The following TLE2 variants were observed in gnomAD, a reference collection of about 807,000 sequenced individuals.
The protein encoded by TLE2 is TLE family member 2, transcriptional corepressor, also known as transducin-like enhancer protein 2.
Under a neutral mutation model 97.2 loss-of-function variants are expected in TLE2, and 74 were observed. That is an observed-to-expected ratio of 0.76 (90% CI 0.63 to 0.92). The LOEUF (loss-of-function observed/expected upper bound fraction) is 0.92, where lower values mean the gene tolerates loss of function less well. Among genes scored for constraint, TLE2 ranks in the 40% least tolerant of loss-of-function variants. The pLI, the probability that TLE2 is intolerant of heterozygous loss-of-function variation, is 0.00. For missense variants in TLE2, 1,038 were observed against 1,008.7 expected, an observed-to-expected ratio of 1.03 and a Z score of -0.39; for synonymous variants, 499 against 432.1, an observed-to-expected ratio of 1.15 and a Z score of -1.92.
rs1014866606 is a variant in TLE2, at chr19:3,028,011, G to A, written c.187-138C>T. 2.1e-5 allele frequency: 19 copies of A among 884,946 alleles called. No individual in the cohort carries two copies. The Admixed American group carries it at 4.0e-4, about 19-fold the overall frequency. 54.8% of individuals were successfully genotyped at this position (884,946 alleles called of 1,614,324 possible). A position where few individuals can be genotyped will look rare whatever the true frequency, so the allele number is the denominator to read the frequency against. On this transcript the variant is annotated intron_variant, in intron 3 of 19. Transcript: ENST00000262953. ...AAGCAGAGCCCCCCCCAGCTCCACG[G>A]GGTCCCAGAGGAGGAAGCGGGGGCT...
intron 17 of TLE2, among the ~76,000 whole-genome samples, chr19:3,003,123 A>C (rs1394126720): frequency 1.3e-5 from 2 of 152,210 alleles, no homozygotes; most frequent in Non-Finnish European, 2.9e-5. Flanking sequence ...GGAACACAGC[A>C]GACAACTGCA....
chr19:3,000,782 C>T, intron 18 of TLE2, 59 bp from the exon 19 acceptor site: 1 of 1,366,420 alleles, frequency 7.3e-7, no homozygotes, highest in African/African-American at 1.5e-5. Context: ...ACCCGGGCTG[C>T]AGGGGGAGGT....
At chr19:3,032,047 C>T (rs150562401), upstream of TLE2, among the ~76,000 whole-genome samples, 2,639 of 151,976 alleles carry the variant, frequency 0.017, 30 homozygotes, top group Middle Eastern at 0.045. This position sits in a 1 kb window ranked among gnomAD's most constrained non-coding sequence, Gnocchi z 4.1. Flanking sequence ...TCTCCTGCCT[C>T]GGCCTCTGGA....
At chr19:2,999,900 G>A (rs1318709210) in intron 19 of TLE2, among the ~76,000 whole-genome samples, 1 of 149,730 alleles carries the variant, frequency 6.7e-6, no homozygotes, top group East Asian at 2.0e-4. Flanking sequence ...AGGCGTGGTG[G>A]TACATGCCTG....
At chr19:3,044,954 A>G (rs1408055026) in intron 1 of TLE2, among the ~76,000 whole-genome samples, 2 of 152,046 alleles carry the variant, frequency 1.3e-5, no homozygotes, top group African/African-American at 4.8e-5. Context: ...GCGGTGGCTC[A>G]TGACTGTCAT....
intron 5 of TLE2, among the ~76,000 whole-genome samples, chr19:3,021,122 G>GC (rs200093020): frequency 7.8e-6 from 1 of 127,594 alleles, no homozygotes; most frequent in African/African-American, 3.1e-5. Flanking sequence ...AAAGGGGGGG[G>GC]GGTGCTGAGC....
intron 1 of TLE2, among the ~76,000 whole-genome samples, chr19:3,041,014 T>TATATATATATATATATATATATA (rs55998855): frequency 2.0e-4 from 4 of 20,168 alleles, no homozygotes; most frequent in African/African-American, 4.2e-4. Flanking sequence ...TATATATATA[T>TATATATATATATATATATATATA]TTTTTTTTTT....
At chr19:3,011,553 C>A (rs1490336163) in intron 11 of TLE2, among the ~76,000 whole-genome samples, 1 of 143,582 alleles carries the variant, frequency 7.0e-6, no homozygotes, top group African/African-American at 2.6e-5. Flanking sequence ...AAGACTCTGT[C>A]TCAAAACAAC....
At chr19:3,012,103 A>G (rs2089609785) in intron 11 of TLE2, among the ~76,000 whole-genome samples, 1 of 151,708 alleles carries the variant, frequency 6.6e-6, no homozygotes, top group African/African-American at 2.4e-5. Flanking sequence ...AAAATTAGCC[A>G]GGCGTGGTGG....
intron 1 of TLE2, among the ~76,000 whole-genome samples, chr19:3,040,492 C>T (rs1268703339): frequency 1.3e-5 from 2 of 151,974 alleles, no homozygotes; most frequent in Non-Finnish European, 2.9e-5. Flanking sequence ...AGGTGCACAC[C>T]ACCATGCCCG....
intron 1 of TLE2, among the ~76,000 whole-genome samples, chr19:3,036,206 G>A (rs1832968816): frequency 6.6e-6 from 1 of 152,200 alleles, no homozygotes; most frequent in African/African-American, 2.4e-5. Flanking sequence ...TGGGCCTTGT[G>A]CCTCAGTTTC....
intron 3 of TLE2, 28 bp downstream of exon 3, chr19:3,028,291 C>T: frequency 1.3e-6 from 2 of 1,596,940 alleles, no homozygotes; most frequent in Non-Finnish European, 1.7e-6. Context: ...CGCCTCTCCC[C>T]TCACCCTGGC....
rs771138511 is a variant in TLE2 at position 3,019,090 on chromosome 19, G to C, written c.550+193C>G. Among the ~76,000 whole-genome samples the C allele has an allele frequency of 6.6e-6, 1 of 151,996 alleles. No individual in the cohort carries two copies. Among genetic ancestry groups the C allele is most frequent in the Admixed American group, 6.6e-5 (1 of 15,258 alleles). ...ATTTTTAAATTTTTGTAGAGACGGG[G>C]TCTCGCTCTGTTGCCCAGGCTGGTC... On this transcript the variant is annotated intron_variant, in intron 7 of 19. Transcript: ENST00000262953. This position sits in a 1 kb window ranked among gnomAD's most constrained non-coding sequence, Gnocchi z 5.1.
chr19:3,029,378 C>T (rs1311528052), upstream of TLE2, among the ~76,000 whole-genome samples: 3 of 145,574 alleles, frequency 2.1e-5, no homozygotes, highest in East Asian at 2.0e-4. Context: ...CCTCCCCGCG[C>T]CCGCGCCCCC....
chr19:3,045,868 G>C (rs966937821), upstream of TLE2: 2 of 336,180 alleles, frequency 5.9e-6, no homozygotes, highest in Admixed American at 3.4e-5. Flanking sequence ...TGAATTTCCT[G>C]CATTTGAATC....
upstream of TLE2, among the ~76,000 whole-genome samples, chr19:3,046,849 T>C (rs950344636): frequency 4.0e-5 from 6 of 150,412 alleles, no homozygotes; most frequent in Non-Finnish European, 8.9e-5. Context: ...ACCCCAGTCC[T>C]CTCTGCTCCC....
At chr19:3,044,834 C>T (rs2090130231) in intron 1 of TLE2, among the ~76,000 whole-genome samples, 1 of 152,198 alleles carries the variant, frequency 6.6e-6, no homozygotes, top group Admixed American at 6.5e-5. Context: ...ACTCTCTTCG[C>T]CAAAGTCATA....
In TLE2 at chr19:3,006,646, G is replaced by A. The variant is rs1247328943; in HGVS notation, c.1274C>T (p.Ala425Val). Residue 425 changes from alanine to valine, a missense_variant, in exon 15 of 20, where the codon GCG (alanine) becomes GTG (valine). Ala to Val is a moderately conservative substitution (Grantham distance 64). Transcript: ENST00000262953. The part of the protein sequence containing the change: ...GKPAYSFHVS[A>V]DGQMQPVPFP... ...GGGAACCGGCTGCATCTGCCCGTCC[G>A]CAGACACGTGGAAGGAGTAGGCCCT... is the stretch of plus-strand genomic sequence containing the variant. 2 of 1,606,458 alleles carry A rather than the reference G, an allele frequency of 1.2e-6. No homozygotes were observed. Among genetic ancestry groups the A allele is most frequent in the South Asian group, 1.1e-5 (1 of 90,000 alleles).
intron 17 of TLE2, among the ~76,000 whole-genome samples, chr19:3,002,846 C>A (rs971436355): frequency 4.6e-5 from 7 of 152,072 alleles, no homozygotes; most frequent in Middle Eastern, 6.3e-3. Context: ...TTACAGGTAC[C>A]TGCTAGTACG....
Sources: allele counts gnomAD v4.1 joint callset (sites outside exome capture counted in the v4.1 genomes callset), GRCh38; gene constraint gnomAD v4.1.1; non-coding constraint Gnocchi (gnomAD v3.1); transcripts MANE v1.5; gene names NCBI Gene and HGNC (gene_info 2026-07-23, HGNC 2026-07-21).